ANO4: variants seen among roughly 807,000 people sequenced by gnomAD.
ANO4 encodes the protein anoctamin-4.
In ANO4, 69 loss-of-function variants were observed where a neutral mutation model predicts 141.9. The ratio of observed to expected loss-of-function variants is 0.49; its 90% CI spans 0.40 to 0.59. ANO4 has a LOEUF of 0.59. Ranked by LOEUF, ANO4 falls within the 20% of genes least tolerant of loss-of-function variation. ANO4 has a pLI of 0.00. For synonymous variants in ANO4, 350 were observed against 394.3 expected (o/e 0.89, Z 1.33); for missense variants, 894 against 1,162.2 (o/e 0.77, Z 3.36).
intron 22 of ANO4, among the ~76,000 whole-genome samples, chr12:101,104,728 G>T (rs2050374234): frequency 6.8e-6 from 1 of 146,074 alleles, no homozygotes; most frequent in Admixed American, 6.9e-5. Context: ...TATGTTTCAA[G>T]TATGTTCTGC....
intron 5 of ANO4, among the ~76,000 whole-genome samples, chr12:100,953,713 T>G (rs1368518212): frequency 6.6e-6 from 1 of 152,206 alleles, no homozygotes; most frequent in African/African-American, 2.4e-5. Flanking sequence ...AAGAAAAATC[T>G]CTATGATAAT....
chr12:101,011,978 T>C (rs2046114885), intron 8 of ANO4, among the ~76,000 whole-genome samples: 1 of 150,230 alleles, frequency 6.7e-6, no homozygotes, highest in East Asian at 1.9e-4. Flanking sequence ...TTTCATAATA[T>C]ATGTAAAAAA....
chr12:101,055,563 T>C (rs2048081895), intron 14 of ANO4, among the ~76,000 whole-genome samples: 1 of 152,224 alleles, frequency 6.6e-6, no homozygotes, highest in South Asian at 2.1e-4. Context: ...CTTTTATATA[T>C]TCTAGGTAGA....
At chr12:101,067,505 G>T (rs1254482374) in intron 14 of ANO4, among the ~76,000 whole-genome samples, 2 of 152,176 alleles carry the variant, frequency 1.3e-5, no homozygotes, top group Non-Finnish European at 2.9e-5. Flanking sequence ...AACATCATGA[G>T]ACCTTGTCTC....
At chr12:100,791,828 GT>G (rs1045183505), upstream of ANO4, among the ~76,000 whole-genome samples, 2 of 152,152 alleles carry the variant, frequency 1.3e-5, no homozygotes, top group African/African-American at 4.8e-5. Flanking sequence ...TACACTATGG[GT>G]GCTGCAAAGG....
At chr12:100,831,243 G>A (rs567039142) in intron 1 of ANO4, among the ~76,000 whole-genome samples, 3 of 152,204 alleles carry the variant, frequency 2.0e-5, no homozygotes, top group Admixed American at 6.5e-5. Flanking sequence ...CTGGTGGCAC[G>A]TGTCTTGCAT....
At position 101,040,002 on chromosome 12, in the gene ANO4, C is replaced by T; in HGVS notation, c.945C>T (p.Asn315=). Residue 315 remains asparagine, a synonymous_variant, in exon 11 of 28, where the codon AAC becomes AAT. Coordinates refer to ENST00000392977, the MANE Select transcript of ANO4 (RefSeq NM_001286615.2). The part of the protein sequence containing the change: ...KNSIRTHGAE[N]HRHLLYECWA... ...CCATTCGAACCCATGGAGCAGAAAACCACCGACATCTACTCTATGAGTGCT... is the reference window on the plus strand; with the variant it reads ...CCATTCGAACCCATGGAGCAGAAAATCACCGACATCTACTCTATGAGTGCT... 6.2e-7 allele frequency: 1 copy of T among 1,613,596 alleles called. No individual in the cohort carries two copies. Among genetic ancestry groups the T allele is most frequent in the Non-Finnish European group, 8.5e-7 (1 of 1,179,610 alleles).
intron 1 of ANO4, among the ~76,000 whole-genome samples, chr12:100,873,489 G>T (rs1162767010): frequency 6.6e-6 from 1 of 152,204 alleles, no homozygotes; most frequent in East Asian, 1.9e-4. Flanking sequence ...TAGGAAAGAG[G>T]TTGGAGGTAT....
At chr12:100,736,574 G>A (rs1007694096) in intron 2 of ANO4, among the ~76,000 whole-genome samples, 1 of 152,166 alleles carries the variant, frequency 6.6e-6, no homozygotes, top group Non-Finnish European at 1.5e-5. Context: ...CCATGTCAGG[G>A]TGTTGGGTTG....
chr12:101,007,723 T>C (rs1416563678), intron 8 of ANO4, among the ~76,000 whole-genome samples: 1 of 152,142 alleles, frequency 6.6e-6, no homozygotes, highest in Non-Finnish European at 1.5e-5. Flanking sequence ...CAGAGTTTTG[T>C]TTTTGTTTCA....
chr12:100,897,476 G>A (rs952534817), intron 1 of ANO4, among the ~76,000 whole-genome samples: 9 of 152,240 alleles, frequency 5.9e-5, no homozygotes, highest in Non-Finnish European at 1.2e-4. Flanking sequence ...ACCATGTAGC[G>A]TGCCAAGTGC....
chr12:101,110,494 T>C lies in ANO4; in HGVS notation c.2240T>C (p.Leu747Pro). Residue 747 changes from leucine (L) to proline (P), a missense_variant, in exon 23 of 28, where the codon CTT (leucine) becomes CCT (proline). This residue lies in a region of ANO4 where 637 missense variants were observed against 909.2 expected (regional missense o/e 0.70). Coordinates refer to ENST00000392977, the MANE Select transcript of ANO4 (RefSeq NM_001286615.2). ...ALLNNIIEIRLDAYKFVTQWR... is the reference protein window; with the variant it reads ...ALLNNIIEIRPDAYKFVTQWR... ...CTGAATAACATAATTGAAATTCGAC[T>C]TGATGCTTACAAATTTGTCACACAG... The C allele has an allele frequency of 6.2e-7, 1 of 1,611,788 alleles. No homozygotes were observed. The highest frequency in any genetic ancestry group is 8.5e-7 in the Non-Finnish European group (1 of 1,178,932).
intron 1 of ANO4, among the ~76,000 whole-genome samples, chr12:100,847,533 G>A (rs775764369): frequency 6.7e-6 from 1 of 149,744 alleles, no homozygotes; most frequent in Non-Finnish European, 1.5e-5. Flanking sequence ...GCGCAGTGGT[G>A]CAATCTCGGC....
chr12:100,870,362 TATC>T (rs2038971966), intron 1 of ANO4, among the ~76,000 whole-genome samples: 2 of 152,356 alleles, frequency 1.3e-5, no homozygotes, highest in South Asian at 4.1e-4. Flanking sequence ...TAGTTATCCT[TATC>T]ATATTCTACA....
chr12:101,127,195 C>T, intron 27 of ANO4, 121 bp downstream of exon 27: 1 of 1,038,096 alleles, frequency 9.6e-7, no homozygotes, highest in East Asian at 2.6e-5. Context: ...TCCTTAGAAG[C>T]TTCCCAATCC....
At chr12:101,051,881 T>C (rs1236902072) in intron 14 of ANO4, among the ~76,000 whole-genome samples, 2 of 152,222 alleles carry the variant, frequency 1.3e-5, no homozygotes, top group Admixed American at 1.3e-4. Flanking sequence ...GCCTCATTTA[T>C]CCTGCTTTGA....
At chr12:100,754,356 G>C (rs1737023391) in intron 3 of ANO4, among the ~76,000 whole-genome samples, 1 of 139,054 alleles carries the variant, frequency 7.2e-6, no homozygotes, top group African/African-American at 2.7e-5. Flanking sequence ...CTACTTTCTT[G>C]CCGGGGCAGG....
chr12:100,907,161 C>A (rs924330922), intron 2 of ANO4, among the ~76,000 whole-genome samples: 4 of 152,142 alleles, frequency 2.6e-5, no homozygotes, highest in African/African-American at 9.7e-5. Flanking sequence ...TTTTCAAGTC[C>A]TCTCCAATTT....
In ANO4 at chr12:100,891,919, A is replaced by G. The variant is rs1593657741; in HGVS notation, c.-140-9727A>G. Among the ~76,000 whole-genome samples the G allele has an allele frequency of 4.6e-5, 7 of 151,700 alleles. 1 individual carries two copies. Among genetic ancestry groups the G allele is most frequent in the Admixed American group, 4.6e-4 (7 of 15,230 alleles). On this transcript the variant is annotated intron_variant, in intron 1 of 27. Coordinates refer to ENST00000392977, the MANE Select transcript of ANO4 (RefSeq NM_001286615.2). ...ACCAACATCTCCACAACTGAGCTCC[A>G]CCCCCCAGCTTTTGGTAACCGCCAT...
Sources: gnomAD v4.1 joint callset for allele counts (sites outside exome capture counted in the v4.1 genomes callset) on GRCh38, gnomAD v4.1.1 for gene constraint, gnomAD v4.1.1 regional missense constraint, MANE v1.5 for transcripts, NCBI Gene and HGNC (gene_info 2026-07-23, HGNC 2026-07-21) for gene names.